Variants in RANBP10 observed in about 807,000 individuals in gnomAD.
RANBP10 encodes RAN binding protein 10.
In RANBP10, 24 loss-of-function variants were observed where a neutral mutation model predicts 72.8. The observed-to-expected ratio is 0.33, with a 90% CI of 0.24 to 0.46. The LOEUF (loss-of-function observed/expected upper bound fraction) is 0.46. Ranked by LOEUF, RANBP10 falls within the 20% of genes least tolerant of loss-of-function variation. The probability of loss-of-function intolerance (pLI) is 1.00; values close to 1 mark genes in which losing one functional copy is unlikely to be tolerated. For missense variants in RANBP10, 679 were observed against 817.5 expected (o/e 0.83, Z 2.07); for synonymous variants, 310 against 322.3 (o/e 0.96, Z 0.41).
intron 3 of RANBP10, among the ~76,000 whole-genome samples, chr16:67,760,446 T>A (rs1232308204): frequency 6.6e-6 from 1 of 152,174 alleles, no homozygotes; most frequent in Non-Finnish European, 1.5e-5. Context: ...CAGCTTCCTG[T>A]TGGGCCTATG....
At position 67,773,338 on chromosome 16, in the gene RANBP10, G is replaced by A. The variant is rs183007846; in HGVS notation, c.348-1252C>T. ...CTGTAAGCTTCTCCAGGCCTTTGCC[G>A]GCACCATGCTTCCTGTAAAGCCTGT... On this transcript the variant is annotated intron_variant, in intron 2 of 13. Transcript: ENST00000317506. 8.5e-5 allele frequency among the ~76,000 whole-genome samples: 13 copies of A among 152,288 alleles called. No homozygotes were observed. In the South Asian group the frequency reaches 1.5e-3, roughly 17 times the overall value.
At chr16:67,737,289 C>T (rs1174153836) in intron 5 of RANBP10, among the ~76,000 whole-genome samples, 1 of 149,720 alleles carries the variant, frequency 6.7e-6, no homozygotes, top group Non-Finnish European at 1.5e-5. Flanking sequence ...CAAACTCTGC[C>T]TCCCGGGTTC....
chr16:67,796,061 C>T (rs1488101069), intron 2 of RANBP10, among the ~76,000 whole-genome samples: 5 of 151,216 alleles, frequency 3.3e-5, no homozygotes, highest in African/African-American at 4.8e-5. Flanking sequence ...GGATTACAGG[C>T]GCCTGCCACC....
chr16:67,804,865 G>A (rs1272111753), intron 2 of RANBP10, among the ~76,000 whole-genome samples: 2 of 152,070 alleles, frequency 1.3e-5, no homozygotes, highest in African/African-American at 4.8e-5. Context: ...TCCTAAAGTT[G>A]ATCCAACTAG....
chr16:67,782,424 G>A lies in RANBP10; in HGVS notation c.348-10338C>T, dbSNP rs1426088680. Among the ~76,000 whole-genome samples the A allele has an allele frequency of 3.9e-5, 6 of 151,944 alleles. 1 individual carries two copies. The East Asian group carries it at 7.7e-4, about 20-fold the overall frequency. ...TTACAAGTGTGAGCCACCGTACCCA[G>A]CCAATTATTTTATTTTATATTTTAT... On this transcript the variant is annotated intron_variant, in intron 2 of 13. Coordinates refer to ENST00000317506, the MANE Select transcript of RANBP10 (RefSeq NM_020850.3).
At chr16:67,741,396 A>G (rs2053966756) in intron 4 of RANBP10, among the ~76,000 whole-genome samples, 1 of 152,236 alleles carries the variant, frequency 6.6e-6, no homozygotes, top group Non-Finnish European at 1.5e-5. Context: ...TCCAGCCTGC[A>G]ACATCATTTT....
At position 67,723,591 on chromosome 16, in the gene RANBP10, G is replaced by C. The variant is rs2053559968; in HGVS notation, c.*2837C>G. 6.5e-6 allele frequency: 1 copy of C among 152,712 alleles called. No individual in the cohort carries two copies. Among genetic ancestry groups the C allele is most frequent in the Non-Finnish European group, 1.5e-5 (1 of 68,074 alleles). The allele number at this position is 152,712 out of a possible 1,614,324, so 9.5% of individuals were successfully genotyped here. A position where few individuals can be genotyped will look rare whatever the true frequency, so the allele number is the denominator to read the frequency against. On this transcript the variant is annotated 3_prime_UTR_variant, in exon 14 of 14. Transcript: ENST00000317506. ...ACCCAGCCACAGACCCATGAGGATG[G>C]GGATGGGGGTTCTGGCTTGCTATGA...
At chr16:67,797,589 C>T (rs925857741) in intron 2 of RANBP10, among the ~76,000 whole-genome samples, 3 of 152,196 alleles carry the variant, frequency 2.0e-5, no homozygotes, top group Admixed American at 6.5e-5. Context: ...GTGGGCAGAT[C>T]ATTTGAGGTC....
chr16:67,726,491 C>A lies in RANBP10; in HGVS notation c.1800G>T (p.Arg600=). The A allele has an allele frequency of 6.3e-7, 1 of 1,598,378 alleles. No homozygotes were observed. Among genetic ancestry groups the A allele is most frequent in the South Asian group, 1.1e-5 (1 of 88,692 alleles). Residue 600 remains arginine, a synonymous_variant, in exon 14 of 14, where the codon CGG becomes CGT. Transcript: ENST00000317506. ...LALGQASECL[R]LMARAGLGSC... is the part of the protein sequence containing the mutation. ...AACCCAGGCCTGCTCGGGCCATGAG[C>A]CGGAGACACTCAGATGCCTGGCCCA...
intron 4 of RANBP10, among the ~76,000 whole-genome samples, chr16:67,742,107 CGCCACTTGCCCAG>C (rs2053981521): frequency 6.6e-6 from 1 of 150,428 alleles, no homozygotes; most frequent in South Asian, 2.1e-4. Context: ...GACGGGGTCT[CGCCACTTGCCCAG>C]GCTCATCTCG....
At chr16:67,793,763 TTC>T (rs2055075064) in intron 2 of RANBP10, among the ~76,000 whole-genome samples, 1 of 152,202 alleles carries the variant, frequency 6.6e-6, no homozygotes, top group Non-Finnish European at 1.5e-5. Context: ...AATTTCTGGT[TTC>T]TGTTTTCTGC....
rs769788010 is a variant in RANBP10 at position 67,729,901 on chromosome 16, C to A, written c.998+37G>T. ...CGTTCCCACCACCAGCTGAGAGGGG[C>A]TGGACTCTGGGGGAGCTGGGGGTGC... On this transcript the variant is annotated intron_variant, in intron 8 of 13. Transcript: ENST00000317506. The surrounding 1 kb of genome is among the most constrained non-coding windows in gnomAD (Gnocchi z 7.1). 9.3e-6 allele frequency: 15 copies of A among 1,613,476 alleles called. No homozygotes were observed. The highest frequency in any genetic ancestry group is 1.3e-5 in the African/African-American group (1 of 74,914).
chr16:67,757,997 C>T (rs2054321382), intron 3 of RANBP10, among the ~76,000 whole-genome samples: 1 of 152,188 alleles, frequency 6.6e-6, no homozygotes, highest in Non-Finnish European at 1.5e-5. Flanking sequence ...CCATGGGCAC[C>T]TAGGCCCTCC....
At chr16:67,796,249 T>A (rs773171706) in intron 2 of RANBP10, among the ~76,000 whole-genome samples, 1 of 152,184 alleles carries the variant, frequency 6.6e-6, no homozygotes, top group African/African-American at 2.4e-5. Context: ...ATATAACTAC[T>A]GACAAACTAC....
In RANBP10 at chr16:67,806,475, C is replaced by A. The variant is rs1429367913; in HGVS notation, c.62G>T (p.Gly21Val). 6.4e-7 allele frequency: 1 copy of A among 1,551,528 alleles called. No individual in the cohort carries two copies. The stretch of plus-strand genomic sequence containing the variant: ...GGACGGCAGCCCGCCCCCAGCGCCC[C>A]CGCCGGAGGAGTCCCCAGGCTGCGG... ...GNPQPGDSSG[G>V]GAGGGLPSPG... is the part of the protein sequence containing the mutation. The change falls in exon 1 of 14, where the codon GGG (glycine) becomes GTG (valine). Residue 21 changes from glycine to valine, a missense_variant. Physicochemically the swap from Gly to Val is moderately radical, Grantham distance 109. Transcript: ENST00000317506.
At chr16:67,750,072 G>A (rs1315993382) in intron 3 of RANBP10, among the ~76,000 whole-genome samples, 1 of 152,222 alleles carries the variant, frequency 6.6e-6, no homozygotes, top group Non-Finnish European at 1.5e-5. Flanking sequence ...ATAACCCTGT[G>A]TGTTTGGCAC....
chr16:67,799,503 G>A (rs956927261), intron 2 of RANBP10, among the ~76,000 whole-genome samples: 1 of 152,044 alleles, frequency 6.6e-6, no homozygotes, highest in Non-Finnish European at 1.5e-5. Context: ...TAGCCACGAT[G>A]GTCTCGATCT....
chr16:67,781,825 G>A (rs1028895658), intron 2 of RANBP10, among the ~76,000 whole-genome samples: 3 of 152,168 alleles, frequency 2.0e-5, no homozygotes, highest in Admixed American at 6.5e-5. Context: ...AAGTGGAGTC[G>A]AGATCCACCA....
rs145354201 is a variant in RANBP10, at chr16:67,723,131, T to G, written c.*3297A>C. The G allele has an allele frequency of 1.3e-5, 2 of 152,766 alleles. No individual in the cohort carries two copies. Among genetic ancestry groups the G allele is most frequent in the Admixed American group, 1.3e-4 (2 of 15,308 alleles). The allele number at this position is 152,766 out of a possible 1,614,324, so 9.5% of individuals were successfully genotyped here. On this transcript the variant is annotated 3_prime_UTR_variant, in exon 14 of 14. Transcript: ENST00000317506. ...TCAAAATACAACAGAGTTTTTTTTT[T>G]GTCTCTCAAGTACAATTTTAATAAG...
Sources: gnomAD v4.1 joint callset for allele counts (sites outside exome capture counted in the v4.1 genomes callset) on GRCh38, gnomAD v4.1.1 for gene constraint, Gnocchi (gnomAD v3.1) non-coding constraint, MANE v1.5 for transcripts, NCBI Gene and HGNC (gene_info 2026-07-23, HGNC 2026-07-21) for gene names.